MOV10L1: variants seen among roughly 807,000 people sequenced by gnomAD.
MOV10L1 encodes the protein RNA helicase Mov10l1.
In MOV10L1, 110 loss-of-function variants were observed where a neutral mutation model predicts 143.8. The ratio of observed to expected loss-of-function variants is 0.76; its 90% CI spans 0.66 to 0.90. MOV10L1 has a LOEUF of 0.90. Ranked by LOEUF, MOV10L1 falls within the 40% of genes least tolerant of loss-of-function variation. The pLI is 0.00. For missense variants in MOV10L1, 1,406 were observed against 1,526.8 expected, an observed-to-expected ratio of 0.92 and a Z score of 1.32; for synonymous variants, 593 against 581.1, an observed-to-expected ratio of 1.02 and a Z score of -0.29.
At position 50,134,562 on chromosome 22, in the gene MOV10L1, C is replaced by T; in HGVS notation, c.2002C>T (p.Pro668Ser). 1 of 1,614,142 alleles carries T rather than the reference C, an allele frequency of 6.2e-7. No individual in the cohort carries two copies. The highest frequency in any genetic ancestry group is 8.5e-7 in the Non-Finnish European group (1 of 1,180,022). Residue 668 changes from proline (P) to serine (S), a missense_variant, in exon 15 of 27, where the codon CCA becomes TCA. This residue lies in a region of MOV10L1 where 1,233 missense variants were observed against 1,351.4 expected (regional missense o/e 0.91). Transcript: ENST00000262794. Reference protein sequence around the residue: ...LFPEEIILQSPQVTGNWNHAQ... With the variant: ...LFPEEIILQSSQVTGNWNHAQ... Reference sequence around the variant, plus strand: ...TCCAGAAGAAATTATTTTACAGTCTCCACAAGTGACGGGAAATTGGAACCA... The same window carrying T: ...TCCAGAAGAAATTATTTTACAGTCTTCACAAGTGACGGGAAATTGGAACCA...
intron 13 of MOV10L1, 26 bp from the exon 14 acceptor site, chr22:50,133,981 A>G (rs1377734666): frequency 6.2e-7 from 1 of 1,600,562 alleles, no homozygotes; most frequent in Non-Finnish European, 8.5e-7. Context: ...AAGGTTAGTT[A>G]TTTTATGTGG....
At position 50,158,922 on chromosome 22, in the gene MOV10L1, C is replaced by T. The variant is rs568711336; in HGVS notation, c.3216+716C>T. 159 of 152,310 alleles carry T rather than the reference C, an allele frequency of 1.0e-3. No homozygotes were observed. Among genetic ancestry groups the T allele is most frequent in the African/African-American group, 3.7e-3 (155 of 41,558 alleles). The allele number at this position is 152,310 out of a possible 1,614,324, so 9.4% of individuals were successfully genotyped here. A position where few individuals can be genotyped will look rare whatever the true frequency, so the allele number is the denominator to read the frequency against. On this transcript the variant is annotated intron_variant, in intron 23 of 26. Transcript: ENST00000262794. This position sits in a 1 kb window ranked among gnomAD's most constrained non-coding sequence, Gnocchi z 5.0. ...ACTCGAGAGGTGAGTGCTTAGTTCT[C>T]CCAGAGGTACAGAGATTACGAAGGC...
Position 50,144,294 on chromosome 22 carries a change from A to T in MOV10L1, c.2505+51A>T, listed in dbSNP as rs527632277. 7 of 1,550,656 alleles carry T rather than the reference A, an allele frequency of 4.5e-6. No individual in the cohort carries two copies. In the East Asian group the frequency reaches 1.6e-4, roughly 35 times the overall value. ...GGGCACCAGAACCCCTCCCTGGAACATAGGAAATGCCAAGTGGACAGGGGA... is the reference window on the plus strand; with the variant it reads ...GGGCACCAGAACCCCTCCCTGGAACTTAGGAAATGCCAAGTGGACAGGGGA... On this transcript the variant is annotated intron_variant, in intron 18 of 26. Transcript: ENST00000262794.
chr22:50,149,812 G>A, intron 20 of MOV10L1, 98 bp downstream of exon 20: 8 of 1,136,886 alleles, frequency 7.0e-6, no homozygotes, highest in Non-Finnish European at 1.0e-5. Context: ...AGCTGTACAG[G>A]GGTCAGGTGG....
At chr22:50,160,403 C>T (rs1206044354) in intron 24 of MOV10L1, among the ~76,000 whole-genome samples, 2 of 151,368 alleles carry the variant, frequency 1.3e-5, no homozygotes, top group Admixed American at 6.6e-5. Context: ...CCCACCACCA[C>T]GCCCAGCTAA....
At chr22:50,131,673 T>C (rs2062681831) in intron 13 of MOV10L1, among the ~76,000 whole-genome samples, 1 of 152,072 alleles carries the variant, frequency 6.6e-6, no homozygotes, top group African/African-American at 2.4e-5. Flanking sequence ...CAAGCATTAT[T>C]TGATGAAAAA....
At chr22:50,135,234 G>A (rs905024108) in intron 15 of MOV10L1, among the ~76,000 whole-genome samples, 8 of 151,768 alleles carry the variant, frequency 5.3e-5, no homozygotes, top group Non-Finnish European at 7.4e-5. Flanking sequence ...GGCTGGTCTC[G>A]ATCTCCTGAT....
chr22:50,116,194 T>TC (rs1491501704), intron 8 of MOV10L1, among the ~76,000 whole-genome samples: 1 of 107,704 alleles, frequency 9.3e-6, no homozygotes, highest in Non-Finnish European at 2.0e-5. Flanking sequence ...GCTTCAATGC[T>TC]TTTTTTTTTT....
Position 50,150,929 on chromosome 22 carries a change from C to T in MOV10L1, c.2892+30C>T, listed in dbSNP as rs781630269. 8 of 1,612,912 alleles carry T rather than the reference C, an allele frequency of 5.0e-6. No homozygotes were observed. The African/African-American group carries it at 1.1e-4, about 22-fold the overall frequency. On this transcript the variant is annotated intron_variant, in intron 21 of 26. Coordinates refer to ENST00000262794, the MANE Select transcript of MOV10L1 (RefSeq NM_018995.3). ...GTCACAGACTCCAGCGCGTTCAGGT[C>T]CCCAGCTAAGCAGACACAGGCTCCA...
intron 19 of MOV10L1, among the ~76,000 whole-genome samples, chr22:50,146,093 A>T (rs916313960): frequency 4.6e-5 from 7 of 151,894 alleles, no homozygotes; most frequent in African/African-American, 1.7e-4. Flanking sequence ...CCCAAAGGAG[A>T]CTGTAGAGCC....
chr22:50,115,865 C>G (rs564661029), intron 8 of MOV10L1, among the ~76,000 whole-genome samples: 1 of 152,234 alleles, frequency 6.6e-6, no homozygotes, highest in Admixed American at 6.5e-5. Context: ...GTCACCTGGG[C>G]ATTTGGCCAA....
chr22:50,130,928 G>A lies in MOV10L1; in HGVS notation c.1910+2421G>A, dbSNP rs538470574. ...TTTCTTTTTTTTGAGACGGAGTCTC[G>A]TTCTGTTACCCAGGCTGGAGTGCAG... On this transcript the variant is annotated intron_variant, in intron 13 of 26. Coordinates refer to ENST00000262794, the MANE Select transcript of MOV10L1 (RefSeq NM_018995.3). Among the ~76,000 whole-genome samples, 452 of 152,192 alleles carry A rather than the reference G, an allele frequency of 3.0e-3. 3 individuals are homozygous for A. Among genetic ancestry groups the A allele is most frequent in the Non-Finnish European group, 5.5e-3 (375 of 67,996 alleles).
chr22:50,090,580 C>A, intron 1 of MOV10L1: 1 of 1,538,058 alleles, frequency 6.5e-7, no homozygotes, highest in Non-Finnish European at 8.9e-7. Context: ...ACGCGCTGCG[C>A]CAAGGCGTGC....
chr22:50,138,030 C>G (rs961624170), intron 15 of MOV10L1, among the ~76,000 whole-genome samples: 8 of 151,634 alleles, frequency 5.3e-5, no homozygotes, highest in African/African-American at 1.9e-4. Context: ...AAGGAAAAAC[C>G]ATATAATCAT....
intron 1 of MOV10L1, 69 bp downstream of exon 1, chr22:50,090,254 C>G: frequency 7.0e-7 from 1 of 1,419,394 alleles, no homozygotes; most frequent in Non-Finnish European, 9.2e-7. Flanking sequence ...GGAGCCGCGC[C>G]CATAGGTCTT....
chr22:50,146,877 C>T, intron 19 of MOV10L1: 1 of 586,900 alleles, frequency 1.7e-6, no homozygotes, highest in Non-Finnish European at 3.1e-6. Flanking sequence ...AGACACTTTA[C>T]ATTTTTTTTG....
intron 20 of MOV10L1, 31 bp downstream of exon 20, chr22:50,149,745 C>T: frequency 5.1e-6 from 8 of 1,580,708 alleles, no homozygotes; most frequent in Non-Finnish European, 5.2e-6. Context: ...GTGCTGCTTC[C>T]TCCTCACCCC....
intron 3 of MOV10L1, among the ~76,000 whole-genome samples, chr22:50,101,692 A>G (rs922771250): frequency 1.3e-5 from 2 of 151,816 alleles, no homozygotes; most frequent in Non-Finnish European, 2.9e-5. Context: ...TTGTATTTTT[A>G]GTAGACACGG....
intron 9 of MOV10L1, among the ~76,000 whole-genome samples, chr22:50,117,683 G>T (rs915235936): frequency 6.6e-6 from 1 of 152,144 alleles, no homozygotes; most frequent in Non-Finnish European, 1.5e-5. Flanking sequence ...CACCTCTCCC[G>T]TCCTGACGAG....
Sources: allele counts gnomAD v4.1 joint callset (sites outside exome capture counted in the v4.1 genomes callset), GRCh38; gene constraint gnomAD v4.1.1; regional missense constraint gnomAD v4.1.1; non-coding constraint Gnocchi (gnomAD v3.1); transcripts MANE v1.5; gene names NCBI Gene and HGNC (gene_info 2026-07-23, HGNC 2026-07-21).